The following CRYBG3 variants were observed in gnomAD, a reference collection of about 807,000 sequenced individuals.
The protein encoded by CRYBG3 is very large A-kinase anchor protein.
In CRYBG3, 127 loss-of-function variants were observed where a neutral mutation model predicts 244.2. That is an observed-to-expected ratio of 0.52 (90% CI 0.45 to 0.60). The LOEUF (loss-of-function observed/expected upper bound fraction) is 0.60. CRYBG3 is among the 20% of genes least tolerant of loss of function. CRYBG3 has a pLI of 0.00. For synonymous variants in CRYBG3, 1,132 were observed against 1,195.8 expected (o/e 0.95, Z 1.10); for missense variants, 3,325 against 3,442.5 (o/e 0.97, Z 0.85).
At position 97,873,380 on chromosome 3, in the gene CRYBG3, T is replaced by C; in HGVS notation, c.2186T>C (p.Ile729Thr). Residue 729 changes from isoleucine to threonine, a missense_variant, in exon 4 of 22, where the codon ATT (isoleucine) becomes ACT (threonine). This residue lies in a region of CRYBG3 where 1,526 missense variants were observed against 1,443.2 expected (regional missense o/e 1.06). Coordinates refer to ENST00000389622, the MANE Select transcript of CRYBG3 (RefSeq NM_153605.4). ...PSFCLEYTSA[I>T]FEFKEVLSNS... ...TTTTGCCTTGAATATACATCTGCAA[T>C]TTTTGAATTCAAAGAAGTTCTTTCT... 2.0e-6 allele frequency: 3 copies of C among 1,535,782 alleles called. No homozygotes were observed. The highest frequency in any genetic ancestry group is 2.6e-6 in the Non-Finnish European group (3 of 1,146,750).
chr3:97,915,802 G>A, intron 17 of CRYBG3, 66 bp downstream of exon 17: 1 of 1,226,258 alleles, frequency 8.2e-7, no homozygotes, highest in Admixed American at 2.2e-5. Flanking sequence ...TACCACCAAT[G>A]ATAATGTGAA....
Position 97,912,932 on chromosome 3 carries a change from G to T in CRYBG3, c.8114+656G>T, listed in dbSNP as rs185248676. ...CATTTTAACTATCTTTAACTGTACA[G>T]TTCATTGGCATCTCTATGTATCAAA... On this transcript the variant is annotated intron_variant, in intron 16 of 21. Coordinates refer to ENST00000389622, the MANE Select transcript of CRYBG3 (RefSeq NM_153605.4). Among the ~76,000 whole-genome samples the T allele has an allele frequency of 1.2e-4, 18 of 152,214 alleles. No homozygotes were observed. In the East Asian group the frequency reaches 3.5e-3, roughly 29 times the overall value.
Position 97,942,450 on chromosome 3 carries a change from C to T in CRYBG3, c.8824+7C>T, listed in dbSNP as rs770918821. The T allele has an allele frequency of 1.2e-6, 2 of 1,604,020 alleles. No homozygotes were observed. The highest frequency in any genetic ancestry group is 2.2e-5 in the South Asian group (2 of 89,530). On this transcript the variant is annotated splice_region_variant and intron_variant, in intron 21 of 21. Transcript: ENST00000389622. ...CTTGTCCTTGATGTTAAAGGTGGGC[C>T]TTTGATGATACCCAATGTTGTGTCC...
In CRYBG3 at chr3:97,898,946, A is replaced by G; in HGVS notation, c.7765A>G (p.Ile2589Val). ...CCTAGAAAGTGGGAAGTTTATTGAC[A>G]TTACAAATCAGGAAATTTCTGATTT... Reference protein sequence around the residue: ...SDLESGKFIDITNQEISDLEE... With the variant: ...SDLESGKFIDVTNQEISDLEE... Residue 2589 changes from isoleucine to valine, a missense_variant, in exon 13 of 22, where the codon ATT becomes GTT. Physicochemically the swap from Ile to Val is conservative, Grantham distance 29. Coordinates refer to ENST00000389622, the MANE Select transcript of CRYBG3 (RefSeq NM_153605.4). 4 of 1,611,174 alleles carry G rather than the reference A, an allele frequency of 2.5e-6. No homozygotes were observed. The highest frequency in any genetic ancestry group is 3.4e-6 in the Non-Finnish European group (4 of 1,177,854).
At chr3:97,896,663 G>A (rs2039643973) in intron 12 of CRYBG3, among the ~76,000 whole-genome samples, 1 of 152,186 alleles carries the variant, frequency 6.6e-6, no homozygotes, top group Non-Finnish European at 1.5e-5. Flanking sequence ...TCTCAGCTGG[G>A]GGTGATTTTA....
At chr3:97,881,672 C>T (rs1028108033) in intron 7 of CRYBG3, among the ~76,000 whole-genome samples, 3 of 151,564 alleles carry the variant, frequency 2.0e-5, no homozygotes, top group Admixed American at 6.6e-5. Flanking sequence ...ATCAGGATCA[C>T]GCCACTGCAC....
chr3:97,942,163 TTTAGA>T, intron 20 of CRYBG3, 116 bp from the exon 21 acceptor site: 1 of 765,432 alleles, frequency 1.3e-6, no homozygotes. Context: ...ATAGTATTTT[TTTAGA>T]TAAGACACAC....
At chr3:97,933,001 G>A in intron 17 of CRYBG3, 2 of 388,078 alleles carry the variant, frequency 5.2e-6, no homozygotes, top group Admixed American at 3.3e-5. Context: ...TACAATATCT[G>A]TACAGTTTTA....
chr3:97,903,930 C>T (rs1404033400), intron 15 of CRYBG3, among the ~76,000 whole-genome samples: 1 of 152,070 alleles, frequency 6.6e-6, no homozygotes, highest in East Asian at 1.9e-4. Flanking sequence ...GGGATTGAGC[C>T]GTACCAACAT....
chr3:97,909,926 G>C (rs2039844219), intron 15 of CRYBG3, among the ~76,000 whole-genome samples: 1 of 148,710 alleles, frequency 6.7e-6, no homozygotes, highest in South Asian at 2.2e-4. Context: ...ATGGGTTTTT[G>C]GTGTGGATGT....
Position 97,873,341 on chromosome 3 carries a change from GTCC to G in CRYBG3, c.2155_2157del (p.Pro719del), listed in dbSNP as rs889245241. ...CATGTTGAGGCTGCAGGCAGGAAGAGTCCTCCTCCTTCCTTTTGCCTTGAATAT... is the reference window on the plus strand; with the variant it reads ...CATGTTGAGGCTGCAGGCAGGAAGAGTCCTCCTTCCTTTTGCCTTGAATAT... On this transcript the variant is annotated inframe_deletion, in exon 4 of 22. Coordinates refer to ENST00000389622, the MANE Select transcript of CRYBG3 (RefSeq NM_153605.4). 1.1e-5 allele frequency: 17 copies of G among 1,535,806 alleles called. No homozygotes were observed. Among genetic ancestry groups the G allele is most frequent in the East Asian group, 2.4e-5 (1 of 40,930 alleles).
At chr3:97,942,650 T>C (rs958539750) in intron 21 of CRYBG3, 1 of 470,196 alleles carries the variant, frequency 2.1e-6, no homozygotes, top group Non-Finnish European at 3.7e-6. Context: ...TTTTGTTCAT[T>C]AGTACAGTTG....
intron 15 of CRYBG3, among the ~76,000 whole-genome samples, chr3:97,908,555 G>T (rs1575956826): frequency 6.6e-6 from 1 of 152,144 alleles, no homozygotes; most frequent in East Asian, 1.9e-4. Flanking sequence ...TTTTATCAGA[G>T]ACTAGGATTG....
chr3:97,886,811 A>G (rs779953878), intron 8 of CRYBG3, 44 bp downstream of exon 8: 3 of 1,444,972 alleles, frequency 2.1e-6, no homozygotes, highest in East Asian at 4.7e-5. Context: ...ATGGCCACCA[A>G]TTTCATATTT....
At chr3:97,845,087 G>A (rs1424091148) in intron 2 of CRYBG3, among the ~76,000 whole-genome samples, 1 of 152,144 alleles carries the variant, frequency 6.6e-6, no homozygotes, top group East Asian at 1.9e-4. Flanking sequence ...GTTGTTCAGG[G>A]ACTGTTGCTA....
chr3:97,898,888 T>A lies in CRYBG3; in HGVS notation c.7707T>A (p.Phe2569Leu). 1.3e-6 allele frequency: 2 copies of A among 1,584,454 alleles called. No individual in the cohort carries two copies. The highest frequency in any genetic ancestry group is 1.7e-6 in the Non-Finnish European group (2 of 1,166,384). The change falls in exon 13 of 22, where the codon TTT (phenylalanine) becomes TTA (leucine). Residue 2569 changes from phenylalanine (F) to leucine (L), a missense_variant. By Grantham distance (22) the Phe-to-Leu change is conservative (BLOSUM62 0). This residue lies in a region of CRYBG3 where 714 missense variants were observed against 803.6 expected (regional missense o/e 0.89). Transcript: ENST00000389622. ...TTTCCTCTTTCTCCTTTTAGAATTTTATAGAATCTTCTGTCACACTATTTG... is the reference window on the plus strand; with the variant it reads ...TTTCCTCTTTCTCCTTTTAGAATTTAATAGAATCTTCTGTCACACTATTTG... ...ILSFRYLQAN[F>L]IESSVTLFES...
chr3:97,887,977 T>G (rs1011279054), intron 8 of CRYBG3, among the ~76,000 whole-genome samples: 1 of 152,204 alleles, frequency 6.6e-6, no homozygotes, highest in Non-Finnish European at 1.5e-5. Context: ...TACCTCTGAT[T>G]GTTCCAGTTT....
intron 1 of CRYBG3, among the ~76,000 whole-genome samples, chr3:97,828,882 G>A (rs2038615204): frequency 6.7e-6 from 1 of 150,354 alleles, no homozygotes; most frequent in South Asian, 2.1e-4. Context: ...AAAAACTTAA[G>A]CTACAACTAA....
chr3:97,934,486 T>C (rs2040137299), intron 18 of CRYBG3, among the ~76,000 whole-genome samples: 1 of 151,996 alleles, frequency 6.6e-6, no homozygotes, highest in Non-Finnish European at 1.5e-5. Flanking sequence ...GCACTGTTAG[T>C]GTTCTGGTAG....
Sources: gnomAD v4.1 joint callset for allele counts (sites outside exome capture counted in the v4.1 genomes callset) on GRCh38, gnomAD v4.1.1 for gene constraint, gnomAD v4.1.1 regional missense constraint, MANE v1.5 for transcripts, NCBI Gene and HGNC (gene_info 2026-07-23, HGNC 2026-07-21) for gene names.